NGF: variants seen among roughly 807,000 people sequenced by gnomAD.
NGF encodes the protein beta-nerve growth factor.
A neutral mutation model predicts 12.8 loss-of-function variants in NGF; 4 were observed. The observed-to-expected ratio is 0.31, with a 90% CI of 0.15 to 0.72. NGF has a LOEUF of 0.72. NGF is among the 30% of genes least tolerant of loss of function. NGF has a pLI of 0.69. For synonymous variants in NGF, 140 were observed against 130.0 expected (o/e 1.08, Z -0.52); for missense variants, 283 against 330.8 (o/e 0.86, Z 1.12).
intron 1 of NGF, among the ~76,000 whole-genome samples, chr1:115,328,165 AG>A (rs11466071): frequency 0.42 from 63,800 of 151,928 alleles, 15,395 homozygotes; most frequent in East Asian, 0.65. Flanking sequence ...GCATTTTACT[AG>A]GGAGAGAGTT....
intron 1 of NGF, among the ~76,000 whole-genome samples, chr1:115,322,267 C>T (rs1412932631): frequency 6.6e-6 from 1 of 152,156 alleles, no homozygotes; most frequent in African/African-American, 2.4e-5. Flanking sequence ...AAATTCCTTT[C>T]AGGGGGTACA....
chr1:115,298,061 T>C (rs1653923625), intron 1 of NGF, among the ~76,000 whole-genome samples: 1 of 152,202 alleles, frequency 6.6e-6, no homozygotes, highest in African/African-American at 2.4e-5. Context: ...TCAGGTGTGG[T>C]CACATTATAA....
chr1:115,309,730 TA>T (rs556137782), intron 1 of NGF, among the ~76,000 whole-genome samples: 21 of 152,280 alleles, frequency 1.4e-4, no homozygotes, highest in Non-Finnish European at 2.2e-4. Context: ...TATGCAGCCA[TA>T]AAAAAGGATG....
At chr1:115,294,493 GC>G (rs1653803710) in intron 1 of NGF, among the ~76,000 whole-genome samples, 1 of 152,214 alleles carries the variant, frequency 6.6e-6, no homozygotes, top group Non-Finnish European at 1.5e-5. Context: ...TGTTTTTGGT[GC>G]TGAGCAGCAG....
Position 115,286,325 on chromosome 1 carries a change from C to T in NGF, c.471G>A (p.Val157=). 1.1e-5 allele frequency: 18 copies of T among 1,614,212 alleles called. No individual in the cohort carries two copies. The highest frequency in any genetic ancestry group is 1.5e-5 in the Non-Finnish European group (18 of 1,180,038). Residue 157 remains valine, a synonymous_variant, in exon 3 of 3, where the codon GTG becomes GTA. Coordinates refer to ENST00000369512, the MANE Select transcript of NGF (RefSeq NM_002506.3). ...TAATGTTCACCTCTCCCAACACCAT[C>T]ACCTCCTTGCCCTTGATGTCTGTGG... is the stretch of plus-strand genomic sequence containing the variant. ...TTATDIKGKE[V]MVLGEVNINN...
chr1:115,316,559 T>C lies in NGF; in HGVS notation c.-137+21645A>G, dbSNP rs1654480690. ...GGATGATCTCACTTAATGCTCATAA[T>C]AGCCCTATGAATAGAGCTTTGCACA... On this transcript the variant is annotated intron_variant, in intron 1 of 2. Transcript: ENST00000369512. Among the ~76,000 whole-genome samples the C allele has an allele frequency of 2.0e-5, 3 of 152,330 alleles. No homozygotes were observed. In the South Asian group the frequency reaches 6.2e-4, roughly 32 times the overall value.
intron 2 of NGF, among the ~76,000 whole-genome samples, chr1:115,292,264 TTC>T (rs1178214916): frequency 6.6e-6 from 1 of 152,116 alleles, no homozygotes; most frequent in Non-Finnish European, 1.5e-5. Context: ...AATCCAGAGC[TTC>T]TGTTAGGACA....
intron 2 of NGF, among the ~76,000 whole-genome samples, chr1:115,293,366 C>T (rs1057113222): frequency 4.6e-5 from 7 of 152,166 alleles, no homozygotes; most frequent in Admixed American, 2.6e-4. Flanking sequence ...GTCCTGTGTT[C>T]GGCAACTTTA....
chr1:115,318,824 A>G (rs1481212987), intron 1 of NGF, among the ~76,000 whole-genome samples: 1 of 152,108 alleles, frequency 6.6e-6, no homozygotes, highest in African/African-American at 2.4e-5. Flanking sequence ...CATGCAGCTG[A>G]CAATCAGAAT....
At chr1:115,303,882 T>C (rs2101035363) in intron 1 of NGF, among the ~76,000 whole-genome samples, 2 of 152,354 alleles carry the variant, frequency 1.3e-5, no homozygotes, top group South Asian at 4.2e-4. Flanking sequence ...ATGAATTGTG[T>C]AGGTCCATAT....
chr1:115,310,737 A>G (rs1451078932), intron 1 of NGF, among the ~76,000 whole-genome samples: 1 of 152,132 alleles, frequency 6.6e-6, no homozygotes, highest in African/African-American at 2.4e-5. Context: ...CTGTTCTCCA[A>G]AGCTCACATA....
At chr1:115,288,685 G>C (rs570216586) in intron 2 of NGF, among the ~76,000 whole-genome samples, 1 of 152,238 alleles carries the variant, frequency 6.6e-6, no homozygotes, top group South Asian at 2.1e-4. Flanking sequence ...TCATTAACTT[G>C]TCTGTCTCCC....
chr1:115,303,788 C>G (rs1654116242), intron 1 of NGF, among the ~76,000 whole-genome samples: 1 of 152,334 alleles, frequency 6.6e-6, no homozygotes, highest in East Asian at 1.9e-4. Flanking sequence ...TTCTCCAAGA[C>G]CTCCTCATAG....
chr1:115,320,967 C>T (rs1458402323), intron 1 of NGF, among the ~76,000 whole-genome samples: 4 of 152,138 alleles, frequency 2.6e-5, no homozygotes, highest in Non-Finnish European at 4.4e-5. Context: ...GGCTGCAGTC[C>T]GCCACTATGT....
At chr1:115,295,482 C>A (rs1653837618) in intron 1 of NGF, among the ~76,000 whole-genome samples, 1 of 152,034 alleles carries the variant, frequency 6.6e-6, no homozygotes, top group African/African-American at 2.4e-5. Flanking sequence ...AATGGCGTGT[C>A]CCCAGGGTAA....
At position 115,286,609 on chromosome 1, in the gene NGF, C is replaced by G. The variant is rs750829893; in HGVS notation, c.187G>C (p.Val63Leu). 3.1e-6 allele frequency: 5 copies of G among 1,614,186 alleles called. No individual in the cohort carries two copies. The highest frequency in any genetic ancestry group is 2.2e-5 in the South Asian group (2 of 91,088). The part of the protein sequence containing the change: ...SAPAAAIAAR[V>L]AGQTRNITVD... ...GTAATGTTGCGGGTCTGCCCCGCCACGCGTGCAGCTATCGCCGCTGCCGGG... is the reference window on the plus strand; with the variant it reads ...GTAATGTTGCGGGTCTGCCCCGCCAGGCGTGCAGCTATCGCCGCTGCCGGG... Residue 63 changes from valine to leucine, a missense_variant, in exon 3 of 3, where the codon GTG (valine) becomes CTG (leucine). Physicochemically the swap from Val to Leu is conservative, Grantham distance 32 (BLOSUM62 1). This residue lies in a region of NGF where 151 missense variants were observed against 141.6 expected (regional missense o/e 1.07). Coordinates refer to ENST00000369512, the MANE Select transcript of NGF (RefSeq NM_002506.3).
intron 1 of NGF, among the ~76,000 whole-genome samples, chr1:115,330,065 A>G (rs1654877242): frequency 1.3e-5 from 2 of 152,024 alleles, no homozygotes; most frequent in Admixed American, 1.3e-4. Flanking sequence ...TCAACTTGTA[A>G]AAACATTTTC....
At chr1:115,300,567 C>A (rs546941788) in intron 1 of NGF, among the ~76,000 whole-genome samples, 1 of 152,180 alleles carries the variant, frequency 6.6e-6, no homozygotes, top group Non-Finnish European at 1.5e-5. Flanking sequence ...CATCAGATAC[C>A]GTCCCACTCC....
At chr1:115,295,243 C>T (rs1174559527) in intron 1 of NGF, among the ~76,000 whole-genome samples, 1 of 152,156 alleles carries the variant, frequency 6.6e-6, no homozygotes, top group Non-Finnish European at 1.5e-5. Flanking sequence ...CTTCAAGTTA[C>T]TAGAAATCAT....
Sources: allele counts gnomAD v4.1 joint callset (sites outside exome capture counted in the v4.1 genomes callset), GRCh38; gene constraint gnomAD v4.1.1; regional missense constraint gnomAD v4.1.1; transcripts MANE v1.5; gene names NCBI Gene and HGNC (gene_info 2026-07-23, HGNC 2026-07-21).